Variants in DRAM2 observed in about 807,000 individuals in gnomAD.
The protein encoded by DRAM2 is DNA damage regulated autophagy modulator 2.
Under a neutral mutation model 33.5 loss-of-function variants are expected in DRAM2, and 26 were observed. That is an observed-to-expected ratio of 0.78 (90% CI 0.57 to 1.08). The LOEUF is 1.08. Ranked by LOEUF, DRAM2 falls within the 50% of genes least tolerant of loss-of-function variation. The pLI, the probability that DRAM2 is intolerant of heterozygous loss-of-function variation, is 0.00. For synonymous variants in DRAM2, 98 were observed against 109.5 expected, an observed-to-expected ratio of 0.89 and a Z score of 0.66; for missense variants, 311 against 318.1, an observed-to-expected ratio of 0.98 and a Z score of 0.17.
rs766994827 is a variant in DRAM2 at position 111,118,237 on chromosome 1, G to C, written c.724C>G (p.His242Asp). The stretch of plus-strand genomic sequence containing the variant: ...GCAGTGTCATAGAGGGTTAATCCAT[G>C]TAAATTGGCTTCCACCCGTAAAGAA... ...KISLRVEANL[H>D]GLTLYDTAPC... The change falls in exon 10 of 10, where the codon CAT (histidine) becomes GAT (aspartate). Residue 242 changes from histidine (H) to aspartate (D), a missense_variant. Coordinates refer to ENST00000484310, the MANE Select transcript of DRAM2 (RefSeq NM_001349884.2). 1.9e-5 allele frequency: 31 copies of C among 1,612,470 alleles called. No homozygotes were observed. The highest frequency in any genetic ancestry group is 2.6e-5 in the Non-Finnish European group (31 of 1,179,068).
At chr1:111,126,794 T>A (rs1026833870) in intron 4 of DRAM2, among the ~76,000 whole-genome samples, 14 of 152,164 alleles carry the variant, frequency 9.2e-5, no homozygotes, top group South Asian at 2.1e-4. Context: ...CAGTGATAAG[T>A]AAAATAGACA....
intron 3 of DRAM2, among the ~76,000 whole-genome samples, chr1:111,133,774 G>C (rs1652613665): frequency 6.6e-6 from 1 of 152,190 alleles, no homozygotes; most frequent in African/African-American, 2.4e-5. Flanking sequence ...ATTTCTTATA[G>C]ATCTTCAAAT....
chr1:111,125,784 A>C (rs1650893405), intron 5 of DRAM2: 1 of 153,164 alleles, frequency 6.5e-6, no homozygotes, highest in Non-Finnish European at 1.5e-5. Context: ...CTTCAGTAGC[A>C]ACTCTATCCC....
intron 4 of DRAM2, 91 bp from the exon 5 acceptor site, chr1:111,126,385 A>G: frequency 1.4e-6 from 1 of 726,514 alleles, no homozygotes; most frequent in Non-Finnish European, 2.5e-6. Flanking sequence ...GAGTTAATTC[A>G]AACCTCTTAT....
At chr1:111,124,914 A>G (rs1650707718) in intron 5 of DRAM2, 33 bp from the exon 6 acceptor site, 1 of 1,598,898 alleles carries the variant, frequency 6.3e-7, no homozygotes, top group Non-Finnish European at 8.5e-7. Flanking sequence ...ACAACAAAGT[A>G]ATAAATAATC....
intron 3 of DRAM2, among the ~76,000 whole-genome samples, chr1:111,134,956 T>C (rs1246401117): frequency 6.6e-6 from 1 of 152,204 alleles, no homozygotes; most frequent in Non-Finnish European, 1.5e-5. Context: ...ATATGTAAAT[T>C]TGAACCTTGA....
chr1:111,133,178 CTTT>C (rs35385263), intron 3 of DRAM2, among the ~76,000 whole-genome samples: 8 of 134,550 alleles, frequency 5.9e-5, no homozygotes, highest in African/African-American at 1.7e-4. Context: ...CTTTACTTAC[CTTT>C]TTTTTTTTTT....
At chr1:111,127,622 C>G (rs1461097372) in intron 4 of DRAM2, among the ~76,000 whole-genome samples, 2 of 152,146 alleles carry the variant, frequency 1.3e-5, no homozygotes, top group Non-Finnish European at 2.9e-5. Context: ...GTTCCTGCTA[C>G]TTTTCAAATT....
chr1:111,124,773 C>T lies in DRAM2; in HGVS notation c.308G>A (p.Cys103Tyr). Residue 103 changes from cysteine (C) to tyrosine (Y), a missense_variant, in exon 6 of 10, where the codon TGT becomes TAT. Transcript: ENST00000484310. ...KAGLVLGILSCLGLSIVANFQ... is the reference protein window; with the variant it reads ...KAGLVLGILSYLGLSIVANFQ... ...GTTTGCCACAATAGAAAGTCCTAAACAACTCAGTATTCCAAGTACAAGGCC... is the reference window on the plus strand; with the variant it reads ...GTTTGCCACAATAGAAAGTCCTAAATAACTCAGTATTCCAAGTACAAGGCC... The T allele has an allele frequency of 6.2e-7, 1 of 1,613,414 alleles. No homozygotes were observed. Among genetic ancestry groups the T allele is most frequent in the Non-Finnish European group, 8.5e-7 (1 of 1,179,648 alleles).
At chr1:111,133,331 C>A (rs1403097127) in intron 3 of DRAM2, among the ~76,000 whole-genome samples, 1 of 152,116 alleles carries the variant, frequency 6.6e-6, no homozygotes, top group South Asian at 2.1e-4. Context: ...GCATCTGCCA[C>A]CACGTCCGGC....
rs79616620 is a variant in DRAM2, at chr1:111,127,332, A to G, written c.132-1038T>C. Among the ~76,000 whole-genome samples the G allele has an allele frequency of 4.1e-3, 623 of 152,324 alleles. 9 individuals are homozygous for G. In the East Asian group the frequency reaches 0.058, roughly 14 times the overall value. ...ATGCATGGGGATAAAAAAGAAGTAG[A>G]AAGTTATAGCTGGTAAGAATCCATA... On this transcript the variant is annotated intron_variant, in intron 4 of 9. Coordinates refer to ENST00000484310, the MANE Select transcript of DRAM2 (RefSeq NM_001349884.2).
At chr1:111,120,344 C>A (rs539303869) in intron 7 of DRAM2, among the ~76,000 whole-genome samples, 172 bp downstream of exon 7, 1 of 114,744 alleles carries the variant, frequency 8.7e-6, no homozygotes, top group African/African-American at 3.3e-5. Context: ...ATTTCAAATT[C>A]TTTAGTTTAG....
chr1:111,137,299 A>T (rs867356816), intron 3 of DRAM2, among the ~76,000 whole-genome samples: 2 of 151,142 alleles, frequency 1.3e-5, no homozygotes, highest in Non-Finnish European at 2.9e-5. Flanking sequence ...GAAAAGTTCT[A>T]TTGGACTGTG....
rs1199736551 is a variant in DRAM2 at position 111,118,252 on chromosome 1, C to A, written c.709G>T (p.Val237Leu). The change falls in exon 10 of 10, where the codon GTG becomes TTG. Residue 237 changes from valine to leucine, a missense_variant. Val to Leu is a conservative substitution (Grantham distance 32). Coordinates refer to ENST00000484310, the MANE Select transcript of DRAM2 (RefSeq NM_001349884.2). ...GTTAATCCATGTAAATTGGCTTCCA[C>A]CCGTAAAGAAATTTTCTGGAACAGA... Reference protein sequence around the residue: ...IRDFQKISLRVEANLHGLTLY... With the variant: ...IRDFQKISLRLEANLHGLTLY... 1 of 1,611,220 alleles carries A rather than the reference C, an allele frequency of 6.2e-7. No homozygotes were observed. The highest frequency in any genetic ancestry group is 8.5e-7 in the Non-Finnish European group (1 of 1,178,758).
Position 111,117,414 on chromosome 1 carries a change from T to C in DRAM2, c.*746A>G, listed in dbSNP as rs963174455. 3.3e-5 allele frequency: 5 copies of C among 152,126 alleles called. No homozygotes were observed. The highest frequency in any genetic ancestry group is 5.9e-5 in the Non-Finnish European group (4 of 67,972). 9.4% of individuals were successfully genotyped at this position (152,126 alleles called of 1,614,324 possible). A position where few individuals can be genotyped will look rare whatever the true frequency, so the allele number is the denominator to read the frequency against. On this transcript the variant is annotated 3_prime_UTR_variant, in exon 10 of 10. Transcript: ENST00000484310. ...CATGAATACTAACCCTTGTTTTATA[T>C]AAAATATGACTAAAGTAAATTTACC...
chr1:111,118,138 A>G lies in DRAM2; in HGVS notation c.*22T>C. 1 of 1,599,282 alleles carries G rather than the reference A, an allele frequency of 6.3e-7. No individual in the cohort carries two copies. Among genetic ancestry groups the G allele is most frequent in the Non-Finnish European group, 8.6e-7 (1 of 1,166,744 alleles). ...CCAATCCCTGAGAATCATAATCATT[A>G]CAGAAATATTTTATCCTTTCATCAA... is the stretch of plus-strand genomic sequence containing the variant. On this transcript the variant is annotated 3_prime_UTR_variant, in exon 10 of 10. Transcript: ENST00000484310.
At chr1:111,131,799 G>A (rs1051407926) in intron 3 of DRAM2, among the ~76,000 whole-genome samples, 1 of 152,146 alleles carries the variant, frequency 6.6e-6, no homozygotes, top group Non-Finnish European at 1.5e-5. Context: ...TCTTCCCATG[G>A]AAAGTACCAA....
In DRAM2 at chr1:111,118,763, A is replaced by C. The variant is rs191627284; in HGVS notation, c.693+42T>G. ...TTAGTCTACCTTCCTGGACTAAGAG[A>C]AGGAAGTCTGACTGAATAAATCTAA... On this transcript the variant is annotated intron_variant, in intron 9 of 9. Coordinates refer to ENST00000484310, the MANE Select transcript of DRAM2 (RefSeq NM_001349884.2). 7.4e-6 allele frequency: 11 copies of C among 1,483,070 alleles called. No homozygotes were observed. In the East Asian group the frequency reaches 2.4e-4, roughly 32 times the overall value. The allele number at this position is 1,483,070 out of a possible 1,614,324, so 91.9% of individuals were successfully genotyped here.
chr1:111,130,932 G>A (rs997177949), intron 4 of DRAM2, among the ~76,000 whole-genome samples: 28 of 151,248 alleles, frequency 1.9e-4, no homozygotes, highest in African/African-American at 5.6e-4. Flanking sequence ...GCTTGAACTC[G>A]GGAGGCGGAG....
Sources: gnomAD v4.1 joint callset for allele counts (sites outside exome capture counted in the v4.1 genomes callset) on GRCh38, gnomAD v4.1.1 for gene constraint, MANE v1.5 for transcripts, NCBI Gene and HGNC (gene_info 2026-07-23, HGNC 2026-07-21) for gene names.